The following SEMA3E variants were observed in gnomAD, a reference collection of about 807,000 sequenced individuals.
The protein encoded by SEMA3E is semaphorin-3E.
SEMA3E carries 49 observed loss-of-function variants against 93.6 expected under a neutral mutation model. The ratio of observed to expected loss-of-function variants is 0.52; its 90% CI spans 0.42 to 0.66. SEMA3E has a LOEUF of 0.66. SEMA3E is among the 30% of genes least tolerant of loss of function. The pLI is 0.00. For synonymous variants in SEMA3E, 363 were observed against 330.7 expected, an observed-to-expected ratio of 1.10 and a Z score of -1.06; for missense variants, 906 against 964.8, an observed-to-expected ratio of 0.94 and a Z score of 0.81.
intron 1 of SEMA3E, among the ~76,000 whole-genome samples, chr7:83,520,151 G>A (rs1005113057): frequency 1.3e-5 from 2 of 152,106 alleles, no homozygotes; most frequent in African/African-American, 4.8e-5. Context: ...ACTTTAAAAC[G>A]ATTCTGCACC....
At chr7:83,644,389 T>C (rs1338685951) in intron 1 of SEMA3E, among the ~76,000 whole-genome samples, 2 of 151,988 alleles carry the variant, frequency 1.3e-5, no homozygotes, top group African/African-American at 4.8e-5. Flanking sequence ...AGCATTATCC[T>C]AGCACTTGTT....
intron 11 of SEMA3E, 45 bp from the exon 12 acceptor site, chr7:83,396,774 G>T: frequency 1.5e-6 from 2 of 1,372,420 alleles, no homozygotes; most frequent in Non-Finnish European, 2.0e-6. Context: ...CTATGTCACA[G>T]TACGGTTTTC....
intron 1 of SEMA3E, among the ~76,000 whole-genome samples, chr7:83,505,764 C>T (rs1357204846): frequency 6.6e-6 from 1 of 151,762 alleles, no homozygotes; most frequent in Non-Finnish European, 1.5e-5. Flanking sequence ...GCCTGTAATC[C>T]CAGCACTTTG....
chr7:83,527,576 G>GAT (rs765109783), intron 1 of SEMA3E, among the ~76,000 whole-genome samples: 25 of 152,030 alleles, frequency 1.6e-4, no homozygotes, highest in Non-Finnish European at 2.8e-4. Flanking sequence ...TAAAGCCTCA[G>GAT]ATATATATAT....
intron 1 of SEMA3E, among the ~76,000 whole-genome samples, chr7:83,567,025 A>C (rs1016412995): frequency 2.6e-5 from 4 of 152,216 alleles, no homozygotes; most frequent in Admixed American, 1.3e-4. Flanking sequence ...AATTTACTTC[A>C]TCTCTCCAGA....
chr7:83,578,978 TAG>T (rs1487255079), intron 1 of SEMA3E, among the ~76,000 whole-genome samples: 3 of 152,064 alleles, frequency 2.0e-5, no homozygotes, highest in Non-Finnish European at 4.4e-5. Context: ...CAGAAATATA[TAG>T]AAATTAAATT....
At chr7:83,451,388 A>G (rs538442922) in intron 4 of SEMA3E, among the ~76,000 whole-genome samples, 1 of 152,326 alleles carries the variant, frequency 6.6e-6, no homozygotes, top group South Asian at 2.1e-4. Flanking sequence ...TTTACATATT[A>G]TAATCAAGGC....
intron 1 of SEMA3E, among the ~76,000 whole-genome samples, chr7:83,637,339 C>T (rs1334954106): frequency 6.6e-6 from 1 of 152,016 alleles, no homozygotes; most frequent in Non-Finnish European, 1.5e-5. Context: ...TCTTAAAATC[C>T]TAGCATGATG....
At chr7:83,475,603 C>G (rs975243714) in intron 2 of SEMA3E, among the ~76,000 whole-genome samples, 1 of 152,168 alleles carries the variant, frequency 6.6e-6, no homozygotes, top group Non-Finnish European at 1.5e-5. Flanking sequence ...CCTGCAGGAC[C>G]GGAGGGGCAA....
At chr7:83,479,672 G>A (rs1562800434) in intron 2 of SEMA3E, among the ~76,000 whole-genome samples, 1 of 152,122 alleles carries the variant, frequency 6.6e-6, no homozygotes, top group Non-Finnish European at 1.5e-5. Flanking sequence ...ATGGATATCT[G>A]TTCTTACAGT....
intron 1 of SEMA3E, among the ~76,000 whole-genome samples, chr7:83,615,149 G>A (rs1344880454): frequency 2.6e-5 from 4 of 151,996 alleles, no homozygotes; most frequent in Non-Finnish European, 5.9e-5. Flanking sequence ...ATAGAATAGG[G>A]CATTTTCTCT....
chr7:83,513,834 G>C (rs1030137286), intron 1 of SEMA3E, among the ~76,000 whole-genome samples: 4 of 152,000 alleles, frequency 2.6e-5, no homozygotes, highest in African/African-American at 9.7e-5. Flanking sequence ...TCTCTTCAAG[G>C]CTTTTAATAT....
At chr7:83,572,706 C>T (rs1792311764) in intron 1 of SEMA3E, among the ~76,000 whole-genome samples, 1 of 151,744 alleles carries the variant, frequency 6.6e-6, no homozygotes, top group African/African-American at 2.4e-5. Flanking sequence ...GAATAAAGAA[C>T]CCAGAAAAAA....
chr7:83,413,814 C>T (rs1584232107), intron 5 of SEMA3E, among the ~76,000 whole-genome samples: 1 of 151,660 alleles, frequency 6.6e-6, no homozygotes, highest in African/African-American at 2.4e-5. Flanking sequence ...GTGCCAGCAC[C>T]CATGGCTGTA....
chr7:83,630,359 T>TCC (rs1793761528), intron 1 of SEMA3E, among the ~76,000 whole-genome samples: 6 of 152,244 alleles, frequency 3.9e-5, no homozygotes, highest in Admixed American at 1.3e-4. Flanking sequence ...GATTGTCATA[T>TCC]TAAATAAAAT....
At chr7:83,390,246 T>TATGCGCGTATAC (rs1449429041) in intron 14 of SEMA3E, among the ~76,000 whole-genome samples, 5 of 636 alleles carry the variant, frequency 7.9e-3, no homozygotes, top group African/African-American at 9.1e-3. Context: ...TGCGCGTATA[T>TATGCGCGTATAC]ATGCGCGTAT....
In SEMA3E at chr7:83,645,035, G is replaced by T. The variant is rs372981344; in HGVS notation, c.115+3393C>A. Among the ~76,000 whole-genome samples the T allele has an allele frequency of 1.0e-3, 156 of 151,960 alleles. 3 individuals carry two copies. In the South Asian group the frequency reaches 0.032, roughly 31 times the overall value. Reference sequence around the variant, plus strand: ...ATTTCTGGGGCTTTCCATGTACATCGGTATTTCTTGCTCAACATAGGTCTT... The same window carrying T: ...ATTTCTGGGGCTTTCCATGTACATCTGTATTTCTTGCTCAACATAGGTCTT... On this transcript the variant is annotated intron_variant, in intron 1 of 16. Transcript: ENST00000643230.
rs915371305 is a variant in SEMA3E at position 83,382,417 on chromosome 7, T to C, written c.1875+2877A>G. Among the ~76,000 whole-genome samples the C allele has an allele frequency of 2.6e-5, 4 of 152,138 alleles. No homozygotes were observed. In the East Asian group the frequency reaches 5.8e-4, roughly 22 times the overall value. ...TCAGGTCTGTCCCTAACTTTGTGTA[T>C]GAGCTATAACTCTCTGAGTTTTAGC... On this transcript the variant is annotated intron_variant, in intron 16 of 16. Coordinates refer to ENST00000643230, the MANE Select transcript of SEMA3E (RefSeq NM_012431.3).
intron 1 of SEMA3E, among the ~76,000 whole-genome samples, chr7:83,637,265 T>A (rs1793898687): frequency 6.6e-6 from 1 of 152,136 alleles, no homozygotes; most frequent in Admixed American, 6.6e-5. Context: ...TATCTAATAA[T>A]CCTTTACTAT....
Sources: allele counts gnomAD v4.1 joint callset (sites outside exome capture counted in the v4.1 genomes callset), GRCh38; gene constraint gnomAD v4.1.1; transcripts MANE v1.5; gene names NCBI Gene and HGNC (gene_info 2026-07-23, HGNC 2026-07-21).